Variants in CLMN observed in about 807,000 individuals in gnomAD.
The protein encoded by CLMN is calmin.
CLMN carries 57 observed loss-of-function variants against 92.7 expected under a neutral mutation model. The ratio of observed to expected loss-of-function variants is 0.61; its 90% CI spans 0.50 to 0.77. The LOEUF (loss-of-function observed/expected upper bound fraction) is 0.77, where lower values mean the gene tolerates loss of function less well. Ranked by LOEUF, CLMN falls within the 30% of genes least tolerant of loss-of-function variation. CLMN has a pLI of 0.00. For synonymous variants in CLMN, 466 were observed against 470.6 expected, an observed-to-expected ratio of 0.99 and a Z score of 0.13; for missense variants, 1,158 against 1,237.5, an observed-to-expected ratio of 0.94 and a Z score of 0.96.
At chr14:95,274,088 T>C (rs1411129774) in intron 1 of CLMN, among the ~76,000 whole-genome samples, 1 of 152,172 alleles carries the variant, frequency 6.6e-6, no homozygotes, top group African/African-American at 2.4e-5. Context: ...AGGTTTCCCA[T>C]GTTTTATTGT....
chr14:95,319,696 C>A lies in CLMN; in HGVS notation c.82+15G>T. ...GAGCGCCCAGCCATCCCGGGGCGAG[C>A]CTGGGCTGCGTTACCTTGCAGGTTC... On this transcript the variant is annotated intron_variant, in intron 1 of 12. Coordinates refer to ENST00000298912, the MANE Select transcript of CLMN (RefSeq NM_024734.4). 1 of 1,590,118 alleles carries A rather than the reference C, an allele frequency of 6.3e-7. No homozygotes were observed. The highest frequency in any genetic ancestry group is 1.1e-5 in the South Asian group (1 of 90,108).
intron 1 of CLMN, among the ~76,000 whole-genome samples, chr14:95,267,772 C>T (rs763008554): frequency 6.6e-6 from 1 of 152,158 alleles, no homozygotes; most frequent in Non-Finnish European, 1.5e-5. Flanking sequence ...AATCAACCTA[C>T]GTGCCCATCC....
intron 1 of CLMN, among the ~76,000 whole-genome samples, chr14:95,248,224 T>C (rs1007889300): frequency 6.6e-6 from 1 of 152,146 alleles, no homozygotes; most frequent in African/African-American, 2.4e-5. Context: ...TAAAATATTT[T>C]AAAAAATCAT....
intron 1 of CLMN, among the ~76,000 whole-genome samples, chr14:95,308,169 G>A (rs961143863): frequency 7.9e-5 from 12 of 152,170 alleles, no homozygotes; most frequent in Non-Finnish European, 1.2e-4. Flanking sequence ...GAATCACCAG[G>A]CAGAAATCTT....
intron 1 of CLMN, among the ~76,000 whole-genome samples, chr14:95,295,318 A>C (rs1900757560): frequency 6.6e-6 from 1 of 152,226 alleles, no homozygotes; most frequent in Admixed American, 6.5e-5. Context: ...TTGGTTGTGA[A>C]GGCAGAGCTA....
chr14:95,182,954 T>C lies in CLMN; in HGVS notation c.*8610A>G, dbSNP rs1325965787. ...TGACCAAACTCTTCCCAAAGGCACCTTTCTCAGATACTAAAGCCAAGAAGC... is the reference window on the plus strand; with the variant it reads ...TGACCAAACTCTTCCCAAAGGCACCCTTCTCAGATACTAAAGCCAAGAAGC... On this transcript the variant is annotated 3_prime_UTR_variant, in exon 13 of 13. Coordinates refer to ENST00000298912, the MANE Select transcript of CLMN (RefSeq NM_024734.4). 1 of 152,248 alleles carries C rather than the reference T, an allele frequency of 6.6e-6. No homozygotes were observed. Among genetic ancestry groups the C allele is most frequent in the African/African-American group, 2.4e-5 (1 of 41,466 alleles). 9.4% of individuals were successfully genotyped at this position (152,248 alleles called of 1,614,324 possible). A position where few individuals can be genotyped will look rare whatever the true frequency, so the allele number is the denominator to read the frequency against.
chr14:95,290,567 G>A (rs1180049954), intron 1 of CLMN, among the ~76,000 whole-genome samples: 2 of 152,174 alleles, frequency 1.3e-5, no homozygotes, highest in African/African-American at 2.4e-5. Flanking sequence ...ACAAATATGA[G>A]GGCCCTCTAG....
chr14:95,313,790 TG>T (rs1901644886), intron 1 of CLMN, among the ~76,000 whole-genome samples: 1 of 152,264 alleles, frequency 6.6e-6, no homozygotes, highest in South Asian at 2.1e-4. Flanking sequence ...ATGTGATCTA[TG>T]GCTTGTCGGG....
At position 95,187,915 on chromosome 14, in the gene CLMN, A is replaced by G. The variant is rs1430157880; in HGVS notation, c.*3649T>C. 6.6e-6 allele frequency: 1 copy of G among 152,384 alleles called. No individual in the cohort carries two copies. Among genetic ancestry groups the G allele is most frequent in the South Asian group, 2.1e-4 (1 of 4,830 alleles). 9.4% of individuals were successfully genotyped at this position (152,384 alleles called of 1,614,324 possible). On this transcript the variant is annotated 3_prime_UTR_variant, in exon 13 of 13. Transcript: ENST00000298912. The stretch of plus-strand genomic sequence containing the variant: ...CCTTTGCCAGTCAAGCCAAGTGCTC[A>G]TGGGGACTTCTGCCCAGATGGGACA...
At chr14:95,199,649 T>C (rs1345576664) in intron 9 of CLMN, among the ~76,000 whole-genome samples, 3 of 152,150 alleles carry the variant, frequency 2.0e-5, no homozygotes, top group Non-Finnish European at 4.4e-5. Flanking sequence ...ACAAAGCCCA[T>C]GGAAATCAGG....
chr14:95,318,580 A>C (rs1490188732), intron 1 of CLMN, among the ~76,000 whole-genome samples: 1 of 152,110 alleles, frequency 6.6e-6, no homozygotes, highest in African/African-American at 2.4e-5. Flanking sequence ...CTATAACAGT[A>C]AAGTCGCTGC....
intron 1 of CLMN, among the ~76,000 whole-genome samples, chr14:95,312,451 G>C (rs1901582365): frequency 6.6e-6 from 1 of 152,146 alleles, no homozygotes; most frequent in Non-Finnish European, 1.5e-5. Context: ...CTGTCATCAC[G>C]AGAAGCACCT....
intron 10 of CLMN, among the ~76,000 whole-genome samples, chr14:95,195,713 T>C (rs1161980207): frequency 6.6e-6 from 1 of 152,182 alleles, no homozygotes; most frequent in East Asian, 1.9e-4. Context: ...GTCCCACCAA[T>C]GTGTCTATAG....
At chr14:95,193,532 T>C in intron 12 of CLMN, 1 of 717,846 alleles carries the variant, frequency 1.4e-6, no homozygotes, top group East Asian at 2.7e-5. Context: ...CTAACTACCC[T>C]ATACCACTAA....
intron 1 of CLMN, among the ~76,000 whole-genome samples, chr14:95,249,676 C>T (rs1259585909): frequency 1.3e-5 from 2 of 152,114 alleles, no homozygotes; most frequent in Non-Finnish European, 2.9e-5. Flanking sequence ...ACTGCAACCT[C>T]CGCCTTCCGG....
intron 1 of CLMN, among the ~76,000 whole-genome samples, chr14:95,295,670 T>C (rs112681560): frequency 8.9e-4 from 135 of 152,260 alleles, no homozygotes; most frequent in African/African-American, 3.0e-3. Context: ...GAGAGGCCCG[T>C]TGGGACAAAG....
chr14:95,267,816 T>C (rs1410820119), intron 1 of CLMN, among the ~76,000 whole-genome samples: 1 of 152,202 alleles, frequency 6.6e-6, no homozygotes, highest in Non-Finnish European at 1.5e-5. Context: ...GTGCTATATA[T>C]ACACACAATG....
At chr14:95,297,172 T>C (rs1425864619) in intron 1 of CLMN, among the ~76,000 whole-genome samples, 1 of 152,132 alleles carries the variant, frequency 6.6e-6, no homozygotes, top group Non-Finnish European at 1.5e-5. Context: ...TGGGGCTCAG[T>C]GGAGTTCCTG....
chr14:95,265,354 G>A (rs1265968309), intron 1 of CLMN, among the ~76,000 whole-genome samples: 1 of 152,188 alleles, frequency 6.6e-6, no homozygotes, highest in African/African-American at 2.4e-5. Flanking sequence ...CCTCCTCTGA[G>A]CAAGAAGGAA....
Sources: gnomAD v4.1 joint callset for allele counts (sites outside exome capture counted in the v4.1 genomes callset) on GRCh38, gnomAD v4.1.1 for gene constraint, MANE v1.5 for transcripts, NCBI Gene and HGNC (gene_info 2026-07-23, HGNC 2026-07-21) for gene names.